The following DNAH1 variants were observed in gnomAD, a reference collection of about 807,000 sequenced individuals.
The protein encoded by DNAH1 is dynein axonemal heavy chain 1.
DNAH1 carries 327 observed loss-of-function variants against 484.3 expected under a neutral mutation model. The ratio of observed to expected loss-of-function variants is 0.68; its 90% CI spans 0.62 to 0.74. DNAH1 has a LOEUF of 0.74. Among genes scored for constraint, DNAH1 ranks in the 30% least tolerant of loss-of-function variants. DNAH1 has a pLI of 0.00. For missense variants in DNAH1, 5,052 were observed against 5,546.8 expected (o/e 0.91, Z 2.83); for synonymous variants, 2,192 against 2,191.9 (o/e 1.00, Z 0.00).
chr3:52,346,786 G>A lies in DNAH1; in HGVS notation c.1955+16G>A. On this transcript the variant is annotated intron_variant, in intron 11 of 77. Coordinates refer to ENST00000420323, the MANE Select transcript of DNAH1 (RefSeq NM_015512.5). Reference sequence around the variant, plus strand: ...GCCCCTACAGGTGGGGCCCGGCGGGGCGGAGGCACCTGTTGACACCAGGTG... The same window carrying A: ...GCCCCTACAGGTGGGGCCCGGCGGGACGGAGGCACCTGTTGACACCAGGTG... 1 of 1,595,644 alleles carries A rather than the reference G, an allele frequency of 6.3e-7. No homozygotes were observed. Among genetic ancestry groups the A allele is most frequent in the Non-Finnish European group, 8.6e-7 (1 of 1,166,982 alleles).
chr3:52,378,515 C>T, intron 46 of DNAH1, 87 bp from the exon 47 acceptor site: 1 of 1,429,746 alleles, frequency 7.0e-7, no homozygotes, highest in Non-Finnish European at 9.7e-7. Context: ...GGGGGCACAG[C>T]ACAGCAAAGG....
intron 8 of DNAH1, among the ~76,000 whole-genome samples, chr3:52,341,220 T>C (rs2153223558): frequency 6.6e-6 from 1 of 152,310 alleles, no homozygotes; most frequent in Middle Eastern, 3.4e-3. Context: ...GGGCCCTGTC[T>C]GCAGTGTATG....
At chr3:52,330,559 A>G (rs1362475171) in intron 6 of DNAH1, among the ~76,000 whole-genome samples, 3 of 152,240 alleles carry the variant, frequency 2.0e-5, no homozygotes, top group Non-Finnish European at 2.9e-5. Flanking sequence ...CAGTGTGGCT[A>G]GAGAGAAATG....
chr3:52,318,355 A>C (rs1036273119), intron 1 of DNAH1, among the ~76,000 whole-genome samples: 7 of 152,204 alleles, frequency 4.6e-5, no homozygotes, highest in Non-Finnish European at 1.0e-4. Context: ...CTGGAGGTGC[A>C]CTTCAAACAG....
At position 52,396,966 on chromosome 3, in the gene DNAH1, C is replaced by T. The variant is rs780516984; in HGVS notation, c.11709C>T (p.Asn3903=). 1 of 1,613,250 alleles carries T rather than the reference C, an allele frequency of 6.2e-7. No homozygotes were observed. Among genetic ancestry groups the T allele is most frequent in the Admixed American group, 1.7e-5 (1 of 59,968 alleles). ...CIMNILEDFY[N]PDVLSPEHSY... The stretch of plus-strand genomic sequence containing the variant: ...TGAACATCTTGGAGGACTTCTACAA[C>T]CCTGACGTGCTCTCCCCTGAGCACA... Residue 3903 remains asparagine, a synonymous_variant, in exon 73 of 78, where the codon AAC becomes AAT. Coordinates refer to ENST00000420323, the MANE Select transcript of DNAH1 (RefSeq NM_015512.5).
rs374941590 is a variant in DNAH1 at position 52,326,885 on chromosome 3, A to G, written c.732A>G (p.Pro244=). The part of the protein sequence containing the change: ...GHDPIFPIYL[P]LKVFDNEDFD... ...ACCCAATCTTCCCCATCTACCTCCC[A>G]CTGAAGGTGAGCCGGGCTTCCACAG... Residue 244 remains proline (P), a synonymous_variant, in exon 5 of 78, where the codon CCA becomes CCG. Transcript: ENST00000420323. The G allele has an allele frequency of 9.4e-5, 152 of 1,612,050 alleles. 3 individuals are homozygous for G. In the Middle Eastern group the frequency reaches 7.8e-3, roughly 82 times the overall value.
rs9844178 is a variant in DNAH1 at position 52,341,343 on chromosome 3, A to G, written c.1287-3147A>G. On this transcript the variant is annotated intron_variant, in intron 8 of 77. Coordinates refer to ENST00000420323, the MANE Select transcript of DNAH1 (RefSeq NM_015512.5). Reference sequence around the variant, plus strand: ...TGATGTGGGGACTCTTGTGCAAGCGATTTATGAAATCCTCTCAGGAGAAAT... The same window carrying G: ...TGATGTGGGGACTCTTGTGCAAGCGGTTTATGAAATCCTCTCAGGAGAAAT... 9.0e-3 allele frequency among the ~76,000 whole-genome samples: 1,366 copies of G among 152,236 alleles called. 20 individuals are homozygous for G. The highest frequency in any genetic ancestry group is 0.031 in the African/African-American group (1,288 of 41,518).
chr3:52,389,558 G>A lies in DNAH1; in HGVS notation c.9593G>A (p.Gly3198Glu). The A allele has an allele frequency of 6.5e-7, 1 of 1,540,254 alleles. No homozygotes were observed. The highest frequency in any genetic ancestry group is 1.2e-5 in the South Asian group (1 of 82,106). Residue 3198 changes from glycine (G) to glutamate (E), a missense_variant, in exon 60 of 78, where the codon GGG becomes GAG. By Grantham distance (98) the Gly-to-Glu change is moderately conservative (BLOSUM62 -2). Coordinates refer to ENST00000420323, the MANE Select transcript of DNAH1 (RefSeq NM_015512.5). Reference protein sequence around the residue: ...TSEPTLIGTLGNPVKIRSWQI... With the variant: ...TSEPTLIGTLENPVKIRSWQI... Reference sequence around the variant, plus strand: ...GAGCCCACGCTAATCGGGACGCTGGGGAACCCTGTGAAGATCCGATCGTGG... The same window carrying A: ...GAGCCCACGCTAATCGGGACGCTGGAGAACCCTGTGAAGATCCGATCGTGG...
At chr3:52,349,107 G>A (rs1702263723) in intron 13 of DNAH1, 26 bp downstream of exon 13, 4 of 1,612,600 alleles carry the variant, frequency 2.5e-6, no homozygotes, top group African/African-American at 1.3e-5. Flanking sequence ...CATGCACGTC[G>A]GAGGGTGTCT....
rs769534208 is a variant in DNAH1 at position 52,396,584 on chromosome 3, GCTC to G, written c.11431-30_11431-28del. The G allele has an allele frequency of 3.7e-6, 6 of 1,609,612 alleles. No individual in the cohort carries two copies. The Admixed American group carries it at 5.0e-5, about 13-fold the overall frequency. ...GCCTACCCTACCTGCCCCCGTCCCC[GCTC>G]CTCACCTCCCCTGCCTCCCACCTCC... is the stretch of plus-strand genomic sequence containing the variant. On this transcript the variant is annotated intron_variant, in intron 71 of 77. Transcript: ENST00000420323.
At chr3:52,313,378 C>G (rs1277029975), upstream of DNAH1, among the ~76,000 whole-genome samples, 2 of 152,120 alleles carry the variant, frequency 1.3e-5, no homozygotes, top group African/African-American at 4.8e-5. Context: ...AGATGCCCCT[C>G]CTCCTCCTGT....
chr3:52,345,852 A>G (rs1223099836), intron 10 of DNAH1, 146 bp downstream of exon 10: 2 of 853,610 alleles, frequency 2.3e-6, no homozygotes, highest in African/African-American at 1.7e-5. Context: ...ACCTGGCCTC[A>G]GCCTCTTCCT....
chr3:52,375,187 G>T (rs1703533743), intron 44 of DNAH1, 53 bp from the exon 45 acceptor site: 2 of 1,539,034 alleles, frequency 1.3e-6, no homozygotes, highest in South Asian at 1.2e-5. Context: ...GGCCACAAAG[G>T]TCATAATGCA....
Position 52,358,747 on chromosome 3 carries a change from C to T in DNAH1, c.4266+10C>T, listed in dbSNP as rs768886726. 3.2e-5 allele frequency: 51 copies of T among 1,611,616 alleles called. No individual in the cohort carries two copies. The highest frequency in any genetic ancestry group is 4.2e-5 in the Non-Finnish European group (49 of 1,179,524). On this transcript the variant is annotated intron_variant, in intron 25 of 77. Coordinates refer to ENST00000420323, the MANE Select transcript of DNAH1 (RefSeq NM_015512.5). The surrounding 1 kb of genome is among the most constrained non-coding windows in gnomAD (Gnocchi z 4.2). ...CAGGGCCTACCCCACGGTGAGCCGC[C>T]CGCAGCCCGTGCAGCCTTCCACCCC...
intron 12 of DNAH1, among the ~76,000 whole-genome samples, chr3:52,348,421 C>T (rs1335775851): frequency 1.3e-5 from 2 of 152,276 alleles, no homozygotes; most frequent in Non-Finnish European, 1.5e-5. Context: ...GGACACAGGC[C>T]GGCTTCCACA....
intron 6 of DNAH1, among the ~76,000 whole-genome samples, chr3:52,329,825 G>GAA (rs71084181): frequency 2.4e-5 from 3 of 125,328 alleles, no homozygotes; most frequent in Admixed American, 8.2e-5. Context: ...ACTCCATCTG[G>GAA]AAAAAAAAAA....
Position 52,372,298 on chromosome 3 carries a change from A to G in DNAH1, c.6738A>G (p.Ala2246=), listed in dbSNP as rs1444699184. Residue 2246 remains alanine, a synonymous_variant, in exon 43 of 78, where the codon GCA becomes GCG. Transcript: ENST00000420323. ...CTGACAAGCTCCTCAAGAACCTGGC[A>G]CTGGATTACATCAGCCACTTCCTCA... ...TISDKLLKNL[A]LDYISHFLTF... is the part of the protein sequence containing the mutation. 6.2e-7 allele frequency: 1 copy of G among 1,614,008 alleles called. No individual in the cohort carries two copies. Among genetic ancestry groups the G allele is most frequent in the South Asian group, 1.1e-5 (1 of 91,088 alleles).
At chr3:52,342,512 C>T (rs370252711) in intron 8 of DNAH1, among the ~76,000 whole-genome samples, 1 of 152,120 alleles carries the variant, frequency 6.6e-6, no homozygotes, top group African/African-American at 2.4e-5. Context: ...TTTGAGGTTT[C>T]CTCAGCGGTG....
At chr3:52,388,106 A>G in intron 56 of DNAH1, 61 bp from the exon 57 acceptor site, 1 of 1,561,170 alleles carries the variant, frequency 6.4e-7, no homozygotes, top group Non-Finnish European at 8.7e-7. Context: ...ACATCCCAGC[A>G]GAGCCCTTCC....
Sources: gnomAD v4.1 joint callset for allele counts (sites outside exome capture counted in the v4.1 genomes callset) on GRCh38, gnomAD v4.1.1 for gene constraint, Gnocchi (gnomAD v3.1) non-coding constraint, MANE v1.5 for transcripts, NCBI Gene and HGNC (gene_info 2026-07-23, HGNC 2026-07-21) for gene names.